The following GLE1 variants were observed in gnomAD, a reference collection of about 807,000 sequenced individuals.
GLE1 encodes the protein mRNA export factor GLE1.
A neutral mutation model predicts 97.3 loss-of-function variants in GLE1; 78 were observed. The observed-to-expected ratio is 0.80, with a 90% CI of 0.67 to 0.97. The LOEUF is 0.97. GLE1 is among the 50% of genes least tolerant of loss of function. GLE1 has a pLI of 0.00. For missense variants in GLE1, 753 were observed against 857.5 expected (o/e 0.88, Z 1.52); for synonymous variants, 302 against 313.4 (o/e 0.96, Z 0.39).
intron 9 of GLE1, among the ~76,000 whole-genome samples, chr9:128,532,111 A>G (rs1277210707): frequency 2.0e-5 from 3 of 150,050 alleles, no homozygotes; most frequent in Non-Finnish European, 4.4e-5. Context: ...TGAAGTGATT[A>G]GGAACTTGAC....
At position 128,540,301 on chromosome 9, in the gene GLE1, A is replaced by C; in HGVS notation, c.1991A>C (p.Gln664Pro). The C allele has an allele frequency of 6.2e-7, 1 of 1,610,282 alleles. No homozygotes were observed. The highest frequency in any genetic ancestry group is 8.5e-7 in the Non-Finnish European group (1 of 1,176,494). ...ATTGAAGCTATCACAAGCTCAGGAC[A>C]GATGGGCTCCTTCATACGCCTCAAG... ...PRIEAITSSGQMGSFIRLKQF... is the reference protein window; with the variant it reads ...PRIEAITSSGPMGSFIRLKQF... The change falls in exon 15 of 16, where the codon CAG becomes CCG. Residue 664 changes from glutamine (Q) to proline (P), a missense_variant. Gln to Pro is a moderately conservative substitution (Grantham distance 76). Transcript: ENST00000309971.
At chr9:128,517,817 T>A (rs142746541) in intron 3 of GLE1, among the ~76,000 whole-genome samples, 5 of 152,308 alleles carry the variant, frequency 3.3e-5, no homozygotes, top group Non-Finnish European at 4.4e-5. Flanking sequence ...TATTCTCCAC[T>A]TCTTCCTTTT....
chr9:128,508,166 G>A (rs985832733), intron 1 of GLE1, among the ~76,000 whole-genome samples: 25 of 135,614 alleles, frequency 1.8e-4, no homozygotes, highest in Admixed American at 8.4e-4. Flanking sequence ...GGCAACAAGA[G>A]CGAAACTCCA....
rs1847895744 is a variant in GLE1 at position 128,542,109 on chromosome 9, C to CT, written c.*942dup. ...TTTGTTTTGTGGAAAGACTAATTCT[C>CT]TTTGATACTGCAGAGGCAGTGGCCA... On this transcript the variant is annotated 3_prime_UTR_variant, in exon 16 of 16. Transcript: ENST00000309971. 6.6e-6 allele frequency: 1 copy of CT among 152,218 alleles called. No homozygotes were observed. Among genetic ancestry groups the CT allele is most frequent in the South Asian group, 2.1e-4 (1 of 4,838 alleles). The allele number at this position is 152,218 out of a possible 1,614,324, so 9.4% of individuals were successfully genotyped here. A position where few individuals can be genotyped will look rare whatever the true frequency, so the allele number is the denominator to read the frequency against.
chr9:128,510,419 G>T (rs1483924460), intron 2 of GLE1, among the ~76,000 whole-genome samples: 4 of 151,628 alleles, frequency 2.6e-5, no homozygotes, highest in Admixed American at 2.6e-4. Flanking sequence ...AGTGGAGATG[G>T]TGTTTCACCA....
chr9:128,523,670 G>C lies in GLE1; in HGVS notation c.721G>C (p.Gly241Arg), dbSNP rs1456137544. 1 of 1,614,136 alleles carries C rather than the reference G, an allele frequency of 6.2e-7. No individual in the cohort carries two copies. The highest frequency in any genetic ancestry group is 8.5e-7 in the Non-Finnish European group (1 of 1,180,020). ...ACAGGAGCGGCTTCGGAAGGAAGAA[G>C]GCCAGATCCGCCTGCGGGCCCTCTA... The part of the protein sequence containing the change: ...AEQERLRKEE[G>R]QIRLRALYAL... Residue 241 changes from glycine to arginine, a missense_variant, in exon 6 of 16, where the codon GGC becomes CGC. Coordinates refer to ENST00000309971, the MANE Select transcript of GLE1 (RefSeq NM_001003722.2).
chr9:128,521,690 G>A (rs1288643093), intron 3 of GLE1, among the ~76,000 whole-genome samples: 4 of 152,044 alleles, frequency 2.6e-5, no homozygotes, highest in African/African-American at 9.7e-5. Flanking sequence ...ACTATAATAC[G>A]TGTCGTCATT....
Position 128,504,785 on chromosome 9 carries a change from G to C in GLE1, c.-21G>C. On this transcript the variant is annotated 5_prime_UTR_variant, in exon 1 of 16. Transcript: ENST00000309971. ...GTTTGGTCAGAAGGGGGGCGTCAGA[G>C]AAGCTGCCCCTTAGCCAACCATGCC... is the stretch of plus-strand genomic sequence containing the variant. The C allele has an allele frequency of 6.6e-7, 1 of 1,514,052 alleles. No homozygotes were observed. Among genetic ancestry groups the C allele is most frequent in the East Asian group, 2.2e-5 (1 of 44,450 alleles). 93.8% of individuals were successfully genotyped at this position (1,514,052 alleles called of 1,614,324 possible).
rs369339566 is a variant in GLE1, at chr9:128,508,977, T to C, written c.201T>C (p.Ser67=). 1 of 1,611,654 alleles carries C rather than the reference T, an allele frequency of 6.2e-7. No individual in the cohort carries two copies. Among genetic ancestry groups the C allele is most frequent in the Non-Finnish European group, 8.5e-7 (1 of 1,177,838 alleles). ...LPHMQENQPL[S]ETSPSSTSAS... ...ATATGCAGGAGAACCAACCTCTGTCTGAGACTTCGCCATCCTCTACGTCAG... is the reference window on the plus strand; with the variant it reads ...ATATGCAGGAGAACCAACCTCTGTCCGAGACTTCGCCATCCTCTACGTCAG... Residue 67 remains serine (S), a synonymous_variant, in exon 2 of 16, where the codon TCT becomes TCC. Transcript: ENST00000309971.
intron 9 of GLE1, among the ~76,000 whole-genome samples, chr9:128,533,200 G>A (rs1179284102): frequency 6.6e-6 from 1 of 151,704 alleles, no homozygotes; most frequent in Non-Finnish European, 1.5e-5. Flanking sequence ...AAAGCGGGCG[G>A]ATCACTTGAG....
chr9:128,515,407 TGCTC>T, intron 2 of GLE1, 118 bp from the exon 3 acceptor site: 2 of 669,736 alleles, frequency 3.0e-6, no homozygotes, highest in Admixed American at 2.3e-5. Flanking sequence ...ATTTTTTTTT[TGCTC>T]TTGTTATTGG....
In GLE1 at chr9:128,522,679, G is replaced by C; in HGVS notation, c.444G>C (p.Arg148Ser). 1 of 1,611,928 alleles carries C rather than the reference G, an allele frequency of 6.2e-7. No individual in the cohort carries two copies. Among genetic ancestry groups the C allele is most frequent in the Non-Finnish European group, 8.5e-7 (1 of 1,179,100 alleles). The change falls in exon 4 of 16, where the codon AGG (arginine) becomes AGC (serine). Residue 148 changes from arginine to serine, a missense_variant. Coordinates refer to ENST00000309971, the MANE Select transcript of GLE1 (RefSeq NM_001003722.2). ...AAAAACCTTTTCAGGAGGGCCTGAG[G>C]CTATGGCAGGAGGAGCAGGAGAGGA... ...VHRMKGTEGL[R>S]LWQEEQERKV... is the part of the protein sequence containing the mutation.
At chr9:128,535,770 G>A (rs1192968212) in intron 11 of GLE1, among the ~76,000 whole-genome samples, 1 of 151,790 alleles carries the variant, frequency 6.6e-6, no homozygotes, top group Non-Finnish European at 1.5e-5. Context: ...GCCTGAGATC[G>A]TGCTATTGCT....
chr9:128,524,540 C>CTTTTTTTTTTTTTTTT (rs71381767), intron 6 of GLE1, among the ~76,000 whole-genome samples: 2 of 39,646 alleles, frequency 5.0e-5, no homozygotes, highest in Non-Finnish European at 9.4e-5. Flanking sequence ...CTTTGCTTTG[C>CTTTTTTTTTTTTTTTT]TTTTTTTTTT....
intron 2 of GLE1, among the ~76,000 whole-genome samples, chr9:128,512,976 G>A (rs982725330): frequency 1.3e-5 from 2 of 152,212 alleles, no homozygotes; most frequent in African/African-American, 2.4e-5. Flanking sequence ...ATAAAATTCC[G>A]TAATTTTTGG....
chr9:128,516,755 G>A (rs1187298574), intron 3 of GLE1, among the ~76,000 whole-genome samples: 1 of 151,974 alleles, frequency 6.6e-6, no homozygotes, highest in Non-Finnish European at 1.5e-5. Flanking sequence ...CTCCCAAGTA[G>A]CTGAGATTAC....
chr9:128,536,595 TA>T (rs1238005340), intron 12 of GLE1, 111 bp downstream of exon 12: 4 of 957,222 alleles, frequency 4.2e-6, no homozygotes, highest in Non-Finnish European at 6.7e-6. Context: ...AGTTAAAGGA[TA>T]AACTATATGG....
At chr9:128,528,741 A>G (rs1049419751) in intron 9 of GLE1, among the ~76,000 whole-genome samples, 2 of 152,232 alleles carry the variant, frequency 1.3e-5, no homozygotes, top group African/African-American at 4.8e-5. Context: ...CTGTCCTACA[A>G]CATTAGCTTT....
At chr9:128,517,161 A>G (rs553975438) in intron 3 of GLE1, among the ~76,000 whole-genome samples, 1 of 152,028 alleles carries the variant, frequency 6.6e-6, no homozygotes, top group South Asian at 2.1e-4. Flanking sequence ...ATGGTGGCAC[A>G]TGCCTATAAT....
Sources: gnomAD v4.1 joint callset for allele counts (sites outside exome capture counted in the v4.1 genomes callset) on GRCh38, gnomAD v4.1.1 for gene constraint, MANE v1.5 for transcripts, NCBI Gene and HGNC (gene_info 2026-07-23, HGNC 2026-07-21) for gene names.